ZC3HC1: variants seen among roughly 807,000 people sequenced by gnomAD.
ZC3HC1 encodes zinc finger C3HC-type protein 1.
Under a neutral mutation model 61.9 loss-of-function variants are expected in ZC3HC1, and 38 were observed. That is an observed-to-expected ratio of 0.61 (90% CI 0.47 to 0.81). The LOEUF is 0.81. Among genes scored for constraint, ZC3HC1 ranks in the 30% least tolerant of loss-of-function variants. ZC3HC1 has a pLI of 0.00. For missense variants in ZC3HC1, 554 were observed against 622.7 expected (o/e 0.89, Z 1.17); for synonymous variants, 213 against 229.9 (o/e 0.93, Z 0.67).
At chr7:130,024,894 CTTTTTTTTTT>C (rs544256735) in intron 6 of ZC3HC1, among the ~76,000 whole-genome samples, 7 of 37,122 alleles carry the variant, frequency 1.9e-4, no homozygotes, top group Non-Finnish European at 3.2e-4. Flanking sequence ...TCCTGTCCCT[CTTTTTTTTTT>C]TTTTTTTTTT....
Position 130,047,330 on chromosome 7 carries a change from A to T in ZC3HC1, c.258+1703T>A, listed in dbSNP as rs543083667. On this transcript the variant is annotated intron_variant, in intron 2 of 9. Transcript: ENST00000358303. ...AGGTTGCTCTCAAACTCCTGACCTCAGGTGATCCGCCCACCTTGGCCTCCT... is the reference window on the plus strand; with the variant it reads ...AGGTTGCTCTCAAACTCCTGACCTCTGGTGATCCGCCCACCTTGGCCTCCT... Among the ~76,000 whole-genome samples the T allele has an allele frequency of 2.6e-4, 40 of 152,260 alleles. 1 individual carries two copies. The East Asian group carries it at 6.8e-3, about 26-fold the overall frequency.
chr7:130,023,784 A>T lies in ZC3HC1; in HGVS notation c.1021-61T>A. On this transcript the variant is annotated intron_variant, in intron 7 of 9. Coordinates refer to ENST00000358303, the MANE Select transcript of ZC3HC1 (RefSeq NM_016478.5). This position sits in a 1 kb window ranked among gnomAD's most constrained non-coding sequence, Gnocchi z 4.2. Reference sequence around the variant, plus strand: ...GATATTAATGATTATGGTCAGAAATACTTCTTTCTTTAATCTTTTTTCTTT... The same window carrying T: ...GATATTAATGATTATGGTCAGAAATTCTTCTTTCTTTAATCTTTTTTCTTT... 2 of 1,364,222 alleles carry T rather than the reference A, an allele frequency of 1.5e-6. No homozygotes were observed. The highest frequency in any genetic ancestry group is 1.3e-5 in the South Asian group (1 of 75,242). The allele number at this position is 1,364,222 out of a possible 1,614,324, so 84.5% of individuals were successfully genotyped here.
At chr7:130,051,084 A>C in intron 1 of ZC3HC1, 137 bp downstream of exon 1, 1 of 1,182,294 alleles carries the variant, frequency 8.5e-7, no homozygotes, top group African/African-American at 1.6e-5. Flanking sequence ...TAGTAACCAG[A>C]GTTTCTTTCA....
intron 5 of ZC3HC1, among the ~76,000 whole-genome samples, chr7:130,028,410 C>G (rs1203707917): frequency 4.0e-5 from 6 of 151,796 alleles, no homozygotes. Context: ...GGTGTGGTGG[C>G]AGACGCCTGT....
At chr7:130,021,902 C>T (rs1353156127) in intron 9 of ZC3HC1, among the ~76,000 whole-genome samples, 2 of 152,090 alleles carry the variant, frequency 1.3e-5, no homozygotes, top group African/African-American at 4.8e-5. Flanking sequence ...AAGCCGGGCA[C>T]GGTGGCTCAC....
At chr7:130,031,578 C>CA (rs1794197105) in intron 4 of ZC3HC1, among the ~76,000 whole-genome samples, 1 of 152,120 alleles carries the variant, frequency 6.6e-6, no homozygotes, top group Non-Finnish European at 1.5e-5. Flanking sequence ...TTTGAGGCAG[C>CA]AGTATGAGTT....
intron 1 of ZC3HC1, among the ~76,000 whole-genome samples, chr7:130,050,751 T>C (rs1003856425): frequency 7.9e-5 from 12 of 152,176 alleles, no homozygotes; most frequent in African/African-American, 2.7e-4. Context: ...TATTATGGAC[T>C]CTTTAATAAA....
Position 130,018,564 on chromosome 7 carries a change from C to T in ZC3HC1, c.*100G>A. 1 of 1,021,988 alleles carries T rather than the reference C, an allele frequency of 9.8e-7. No individual in the cohort carries two copies. Among genetic ancestry groups the T allele is most frequent in the Non-Finnish European group, 1.5e-6 (1 of 670,702 alleles). The allele number at this position is 1,021,988 out of a possible 1,614,324, so 63.3% of individuals were successfully genotyped here. ...GGGGCTCCTTATGATTAACCCAGAA[C>T]AGGAAAAACTTAGTGTCAGCTGACC... On this transcript the variant is annotated 3_prime_UTR_variant, in exon 10 of 10. Coordinates refer to ENST00000358303, the MANE Select transcript of ZC3HC1 (RefSeq NM_016478.5).
chr7:130,041,060 G>A lies in ZC3HC1; in HGVS notation c.300C>T (p.Leu100=), dbSNP rs1054797421. 1.1e-5 allele frequency: 18 copies of A among 1,613,760 alleles called. No homozygotes were observed. Among genetic ancestry groups the A allele is most frequent in the Admixed American group, 3.3e-5 (2 of 59,920 alleles). ...WAGKPFELSP[L]VCAKYGWVTV... is the part of the protein sequence containing the mutation. ...TGACCCAGCCATATTTTGCACAGAC[G>A]AGTGGAGACAGCTCAAAGGGCTTAC... The change falls in exon 3 of 10, where the codon CTC becomes CTT. Residue 100 remains leucine, a synonymous_variant. Coordinates refer to ENST00000358303, the MANE Select transcript of ZC3HC1 (RefSeq NM_016478.5).
chr7:130,024,592 C>A, intron 6 of ZC3HC1, 86 bp from the exon 7 acceptor site: 1 of 1,436,128 alleles, frequency 7.0e-7, no homozygotes, highest in East Asian at 2.4e-5. Context: ...TGCCTTATCT[C>A]ATCCAATTTC....
chr7:130,040,182 TAAAAAAAA>T (rs34814353), intron 3 of ZC3HC1, among the ~76,000 whole-genome samples: 8 of 35,330 alleles, frequency 2.3e-4, no homozygotes, highest in Non-Finnish European at 3.8e-4. Context: ...TAGCTTAGTT[TAAAAAAAA>T]AAAAAAAAAA....
intron 5 of ZC3HC1, 64 bp from the exon 6 acceptor site, chr7:130,026,376 A>G: frequency 6.5e-7 from 1 of 1,549,170 alleles, no homozygotes; most frequent in Non-Finnish European, 8.8e-7. Context: ...TACACATTAT[A>G]ACATACCTAG....
chr7:130,050,257 T>C (rs1242800641), intron 1 of ZC3HC1, among the ~76,000 whole-genome samples: 2 of 151,984 alleles, frequency 1.3e-5, no homozygotes, highest in Non-Finnish European at 2.9e-5. Flanking sequence ...TTTTGTATTT[T>C]TAGTAGAGAT....
At chr7:130,026,456 A>G in intron 5 of ZC3HC1, 144 bp from the exon 6 acceptor site, 2 of 791,326 alleles carry the variant, frequency 2.5e-6, no homozygotes, top group East Asian at 2.7e-5. Flanking sequence ...AGAACAAAAT[A>G]CTTCCAGGGA....
rs369759283 is a variant in ZC3HC1 at position 130,023,753 on chromosome 7, A to G, written c.1021-30T>C. On this transcript the variant is annotated intron_variant, in intron 7 of 9. Transcript: ENST00000358303. The surrounding 1 kb of genome is among the most constrained non-coding windows in gnomAD (Gnocchi z 4.2). Reference sequence around the variant, plus strand: ...AGGAAAGGGGAGATAATGGAAGTACACGAATGATATTAATGATTATGGTCA... The same window carrying G: ...AGGAAAGGGGAGATAATGGAAGTACGCGAATGATATTAATGATTATGGTCA... 1.3e-6 allele frequency: 2 copies of G among 1,536,012 alleles called. No homozygotes were observed. Among genetic ancestry groups the G allele is most frequent in the African/African-American group, 2.7e-5 (2 of 73,120 alleles).
chr7:130,048,978 GAGGAATTCTAGAAGC>G (rs1794970089), intron 2 of ZC3HC1, 40 bp downstream of exon 2: 3 of 1,402,424 alleles, frequency 2.1e-6, no homozygotes, highest in African/African-American at 1.4e-5. Context: ...TAATACCTTG[GAGGAATTCTAGAAGC>G]AGGCAGAAAG....
chr7:130,049,379 A>C (rs558655445), intron 1 of ZC3HC1, among the ~76,000 whole-genome samples: 1 of 152,240 alleles, frequency 6.6e-6, no homozygotes, highest in African/African-American at 2.4e-5. Flanking sequence ...CAGTTTACCC[A>C]TATCTAAACT....
intron 2 of ZC3HC1, among the ~76,000 whole-genome samples, chr7:130,046,534 G>C (rs543726682): frequency 1.3e-5 from 2 of 151,706 alleles, no homozygotes; most frequent in South Asian, 2.1e-4. Flanking sequence ...TTAAACCCAG[G>C]AGGTGGAGGT....
chr7:130,047,125 G>A (rs1794897531), intron 2 of ZC3HC1, among the ~76,000 whole-genome samples: 1 of 152,184 alleles, frequency 6.6e-6, no homozygotes, highest in African/African-American at 2.4e-5. Context: ...ACCATGCCTG[G>A]TTAATTTTTG....
Sources: allele counts gnomAD v4.1 joint callset (sites outside exome capture counted in the v4.1 genomes callset), GRCh38; gene constraint gnomAD v4.1.1; non-coding constraint Gnocchi (gnomAD v3.1); transcripts MANE v1.5; gene names NCBI Gene and HGNC (gene_info 2026-07-23, HGNC 2026-07-21).